Variants in EHBP1 observed in about 807,000 individuals in gnomAD.
The protein encoded by EHBP1 is EH domain-binding protein 1.
Under a neutral mutation model 144.0 loss-of-function variants are expected in EHBP1, and 55 were observed. The ratio of observed to expected loss-of-function variants is 0.38; its 90% CI spans 0.31 to 0.48. The LOEUF (loss-of-function observed/expected upper bound fraction) is 0.48, where lower values mean the gene tolerates loss of function less well. EHBP1 is among the 20% of genes least tolerant of loss of function. EHBP1 has a pLI of 0.98. For missense variants in EHBP1, 1,200 were observed against 1,364.2 expected (o/e 0.88, Z 1.90); for synonymous variants, 469 against 472.7 (o/e 0.99, Z 0.10).
chr2:62,918,842 A>G (rs1438171859), intron 10 of EHBP1, among the ~76,000 whole-genome samples: 3 of 152,222 alleles, frequency 2.0e-5, no homozygotes, highest in Non-Finnish European at 2.9e-5. Context: ...CTGAGAAAAT[A>G]ACGGGGTAGC....
chr2:62,727,799 C>G (rs1016479601), intron 2 of EHBP1, among the ~76,000 whole-genome samples: 1 of 152,068 alleles, frequency 6.6e-6, no homozygotes, highest in Non-Finnish European at 1.5e-5. Context: ...CTCTTTGGCT[C>G]CCTGTATAAT....
intron 7 of EHBP1, among the ~76,000 whole-genome samples, chr2:62,834,917 C>T (rs1277211386): frequency 6.6e-6 from 1 of 152,176 alleles, no homozygotes; most frequent in Non-Finnish European, 1.5e-5. Flanking sequence ...AGCAATCTTC[C>T]ATCTCCACGA....
chr2:62,857,006 G>C (rs1478296930), intron 7 of EHBP1, among the ~76,000 whole-genome samples: 2 of 152,146 alleles, frequency 1.3e-5, no homozygotes, highest in Non-Finnish European at 2.9e-5. Context: ...GATGGAGGAA[G>C]GGGGTCACAA....
At position 62,931,606 on chromosome 2, in the gene EHBP1, G is replaced by A. The variant is rs1001927415; in HGVS notation, c.1186-11112G>A. 8.5e-5 allele frequency among the ~76,000 whole-genome samples: 13 copies of A among 152,234 alleles called. No homozygotes were observed. In the South Asian group the frequency reaches 2.3e-3, roughly 27 times the overall value. ...AAGTTTCAGTTGCCCATAGTCAACC[G>A]TCATCCAAAAATATTAAATGGAAAG... On this transcript the variant is annotated intron_variant, in intron 10 of 22. Transcript: ENST00000431489.
At chr2:62,978,991 A>T (rs1452122089) in intron 14 of EHBP1, among the ~76,000 whole-genome samples, 197 bp from the exon 15 acceptor site, 1 of 152,190 alleles carries the variant, frequency 6.6e-6, no homozygotes, top group African/African-American at 2.4e-5. Context: ...TTAATACAAT[A>T]ATTTGTAAAT....
At chr2:63,001,177 G>T (rs1300251962) in intron 19 of EHBP1, among the ~76,000 whole-genome samples, 1 of 152,034 alleles carries the variant, frequency 6.6e-6, no homozygotes, top group East Asian at 1.9e-4. Flanking sequence ...CTAATGATTT[G>T]AGTTTTTTAA....
intron 2 of EHBP1, among the ~76,000 whole-genome samples, chr2:62,740,803 A>G (rs2038629375): frequency 6.6e-6 from 1 of 152,176 alleles, no homozygotes; most frequent in South Asian, 2.1e-4. Flanking sequence ...AGGTACAGCT[A>G]TCTTTTATTT....
chr2:62,771,445 A>T, intron 5 of EHBP1, 53 bp downstream of exon 5: 2 of 1,382,866 alleles, frequency 1.4e-6, no homozygotes, highest in Non-Finnish European at 9.9e-7. Flanking sequence ...TTATATATGC[A>T]TTATTAAGGT....
chr2:62,780,442 C>T (rs2042345686), intron 5 of EHBP1, among the ~76,000 whole-genome samples: 1 of 152,014 alleles, frequency 6.6e-6, no homozygotes, highest in African/African-American at 2.4e-5. Flanking sequence ...ACTTTGGTTG[C>T]ATTTCAGAGA....
chr2:62,994,195 C>T (rs2059538500), intron 18 of EHBP1: 2 of 300,050 alleles, frequency 6.7e-6, no homozygotes, highest in Non-Finnish European at 1.3e-5. Flanking sequence ...TCCACAGCCC[C>T]AGTTTCCTTG....
In EHBP1 at chr2:63,038,829, A is replaced by T. The variant is rs200099767; in HGVS notation, c.3277+13A>T. On this transcript the variant is annotated intron_variant, in intron 21 of 22. Coordinates refer to ENST00000431489, the MANE Select transcript of EHBP1 (RefSeq NM_001142616.3). ...CTAGCCATTGAAGGTAAGAAATGCT[A>T]TGGTGGGGTGAGGTATGTGACGTGT... 2.0e-5 allele frequency: 32 copies of T among 1,609,412 alleles called. No individual in the cohort carries two copies. The highest frequency in any genetic ancestry group is 2.4e-5 in the Non-Finnish European group (28 of 1,176,000).
chr2:62,988,235 A>G (rs189069914), intron 15 of EHBP1, among the ~76,000 whole-genome samples: 275 of 152,260 alleles, frequency 1.8e-3, no homozygotes, highest in Non-Finnish European at 2.9e-3. Context: ...TAGCAATAAC[A>G]TTGGAATAGC....
chr2:62,991,405 G>T (rs1014718864), intron 16 of EHBP1, among the ~76,000 whole-genome samples: 1 of 151,982 alleles, frequency 6.6e-6, no homozygotes, highest in Non-Finnish European at 1.5e-5. Flanking sequence ...AACTATTCTT[G>T]AGTTCTATAT....
At chr2:63,009,529 T>G (rs2060185022) in intron 19 of EHBP1, among the ~76,000 whole-genome samples, 1 of 151,582 alleles carries the variant, frequency 6.6e-6, no homozygotes, top group Non-Finnish European at 1.5e-5. Context: ...CCATAAGTGC[T>G]CATTGCTTTA....
At chr2:62,869,201 A>G (rs1379168428) in intron 9 of EHBP1, among the ~76,000 whole-genome samples, 3 of 152,228 alleles carry the variant, frequency 2.0e-5, no homozygotes, top group Non-Finnish European at 4.4e-5. Context: ...CTCTCAGAGT[A>G]CTTCTGAATG....
intron 5 of EHBP1, among the ~76,000 whole-genome samples, chr2:62,785,685 A>T (rs1243392175): frequency 1.3e-5 from 2 of 152,122 alleles, no homozygotes; most frequent in African/African-American, 4.8e-5. Flanking sequence ...TTATTAAAAT[A>T]TATATTTTAA....
At chr2:63,008,637 A>G (rs1436713993) in intron 19 of EHBP1, among the ~76,000 whole-genome samples, 1 of 110,702 alleles carries the variant, frequency 9.0e-6, no homozygotes, top group African/African-American at 3.4e-5. Flanking sequence ...TTTTTTTCTT[A>G]TTTGGCTTTC....
Position 63,045,332 on chromosome 2 carries a change from C to T in EHBP1, c.3393-78C>T, listed in dbSNP as rs1201910330. On this transcript the variant is annotated intron_variant, in intron 22 of 22. Transcript: ENST00000431489. The surrounding 1 kb of genome is among the most constrained non-coding windows in gnomAD (Gnocchi z 5.7). ...TCCCGCTGGGGATCCAAATACTGGG[C>T]GACGGGGGAGTGCTGCTCTGCCCTC... 2.8e-6 allele frequency: 4 copies of T among 1,448,596 alleles called. No individual in the cohort carries two copies. Among genetic ancestry groups the T allele is most frequent in the African/African-American group, 1.4e-5 (1 of 71,636 alleles). The allele number at this position is 1,448,596 out of a possible 1,614,324, so 89.7% of individuals were successfully genotyped here. A position where few individuals can be genotyped will look rare whatever the true frequency, so the allele number is the denominator to read the frequency against.
chr2:62,729,407 T>C (rs56353462), intron 2 of EHBP1, among the ~76,000 whole-genome samples: 1 of 112,830 alleles, frequency 8.9e-6, no homozygotes, highest in Admixed American at 1.2e-4. Context: ...ATATAATAAA[T>C]ATAATAATAA....
Sources: gnomAD v4.1 joint callset for allele counts (sites outside exome capture counted in the v4.1 genomes callset) on GRCh38, gnomAD v4.1.1 for gene constraint, Gnocchi (gnomAD v3.1) non-coding constraint, MANE v1.5 for transcripts, NCBI Gene and HGNC (gene_info 2026-07-23, HGNC 2026-07-21) for gene names.